Variants in RSRP1 observed in about 807,000 individuals in gnomAD.
The protein encoded by RSRP1 is arginine/serine-rich protein 1.
RSRP1 carries 37 observed loss-of-function variants against 33.0 expected under a neutral mutation model. The ratio of observed to expected loss-of-function variants is 1.12; its 90% confidence interval spans 0.86 to 1.48. RSRP1 has a LOEUF of 1.48. Ranked by LOEUF, RSRP1 falls within the 40% of genes most tolerant of loss-of-function variation. The pLI, the probability that RSRP1 is intolerant of heterozygous loss-of-function variation, is 0.00. For missense variants in RSRP1, 402 were observed against 385.3 expected (o/e 1.04, Z -0.36); for synonymous variants, 167 against 158.7 (o/e 1.05, Z -0.40).
chr1:25,274,214 A>C (rs1202086671), intron 1 of RSRP1, among the ~76,000 whole-genome samples: 2 of 131,922 alleles, frequency 1.5e-5, no homozygotes, highest in African/African-American at 5.2e-5. Flanking sequence ...TTCGTTTTTC[A>C]TATGAGGAAA....
At chr1:25,307,677 G>A in intron 1 of RSRP1, 3 of 1,300,460 alleles carry the variant, frequency 2.3e-6, no homozygotes, top group African/African-American at 2.9e-5. Flanking sequence ...CTGTAAAAAT[G>A]GCTGAAGCAG....
In RSRP1 at chr1:25,243,539, G is replaced by T. The variant is rs749620171; in HGVS notation, c.756+11C>A. 6 of 1,612,458 alleles carry T rather than the reference G, an allele frequency of 3.7e-6. No individual in the cohort carries two copies. In the South Asian group the frequency reaches 4.4e-5, roughly 12 times the overall value. ...CCAATTTTTGAGTGTTCAATGCCTG[G>T]ATATACTTACATTAGAGCTAAAAGC... On this transcript the variant is annotated intron_variant, in intron 4 of 4. Transcript: ENST00000243189.
chr1:25,247,074 G>A lies in RSRP1; in HGVS notation c.-66-45C>T, dbSNP rs1557489199. ...AAAACAAGTCGAGTCGCGGAAGCCGGCGCCTGGCCACCCGGAAGCCACAGT... is the reference window on the plus strand; with the variant it reads ...AAAACAAGTCGAGTCGCGGAAGCCGACGCCTGGCCACCCGGAAGCCACAGT... On this transcript the variant is annotated intron_variant, in intron 1 of 4. Transcript: ENST00000243189. 12 of 1,192,732 alleles carry A rather than the reference G, an allele frequency of 1.0e-5. No homozygotes were observed. The East Asian group carries it at 2.9e-4, about 29-fold the overall frequency. The allele number at this position is 1,192,732 out of a possible 1,614,324, so 73.9% of individuals were successfully genotyped here.
rs544835181 is a variant in RSRP1 at position 25,280,950 on chromosome 1, C to T, written c.-66-33921G>A. ...CTTCCTAATCTTTAGGGCCCCAACTCTGCCCTTATCCAGGCAACTCTCCTC... is the reference window on the plus strand; with the variant it reads ...CTTCCTAATCTTTAGGGCCCCAACTTTGCCCTTATCCAGGCAACTCTCCTC... On this transcript the variant is annotated intron_variant, in intron 1 of 1. Coordinates refer to the RSRP1 transcript ENST00000561867. 5.3e-4 allele frequency among the ~76,000 whole-genome samples: 70 copies of T among 131,672 alleles called. 10 individuals are homozygous for T. The highest frequency in any genetic ancestry group is 1.7e-3 in the African/African-American group (66 of 38,540). The allele number at this position is 131,672 out of a possible 152,430, so 86.4% of individuals were successfully genotyped here.
At chr1:25,277,579 T>C in intron 1 of RSRP1, among the ~76,000 whole-genome samples, 1 of 130,554 alleles carries the variant, frequency 7.7e-6, no homozygotes, top group Non-Finnish European at 1.8e-5. Context: ...TCTTTCTGCC[T>C]CTGTTTCTAC....
At chr1:25,331,262 G>A (rs1571781285) in intron 1 of RSRP1, among the ~76,000 whole-genome samples, 1 of 130,584 alleles carries the variant, frequency 7.7e-6, no homozygotes, top group Non-Finnish European at 1.8e-5. Context: ...CACCGCACCC[G>A]GCCTCTTCCT....
chr1:25,250,331 A>AC, upstream of RSRP1, among the ~76,000 whole-genome samples: 1 of 152,274 alleles, frequency 6.6e-6, no homozygotes, highest in Admixed American at 6.5e-5. Context: ...GTCAGCTTGC[A>AC]CTAGTTACTC....
chr1:25,245,081 A>G (rs759368799), intron 3 of RSRP1, 69 bp downstream of exon 3: 10 of 1,613,292 alleles, frequency 6.2e-6, no homozygotes, highest in Non-Finnish European at 8.5e-6. Context: ...AGTCTAAGAT[A>G]TAAGTGGCTA....
rs1321696752 is a variant in RSRP1 at position 25,245,245 on chromosome 1, T to C, written c.577A>G (p.Thr193Ala). ...AGACTAGCTGGCAAGTCAATGTTGG[T>C]TGTTCCTAGAGCTTTCGCTGCATTG... ...KTNAAKALGT[T>A]NIDLPASLRT... Residue 193 changes from threonine to alanine, a missense_variant, in exon 3 of 5, where the codon ACC becomes GCC. Physicochemically the swap from Thr to Ala is moderately conservative, Grantham distance 58. Coordinates refer to ENST00000243189, the MANE Select transcript of RSRP1 (RefSeq NM_020317.5). The C allele has an allele frequency of 4.3e-6, 7 of 1,614,012 alleles. No individual in the cohort carries two copies. The highest frequency in any genetic ancestry group is 5.9e-6 in the Non-Finnish European group (7 of 1,180,036).
intron 4 of RSRP1, among the ~76,000 whole-genome samples, chr1:25,243,211 T>TA (rs1361254354): frequency 9.2e-5 from 14 of 152,190 alleles, no homozygotes; most frequent in Non-Finnish European, 1.8e-4. Flanking sequence ...ATACACAAGA[T>TA]ACACAAGGTA....
rs1201634284 is a variant in RSRP1, at chr1:25,316,449, G to A, written c.-67+21529C>T. On this transcript the variant is annotated intron_variant, in intron 1 of 1. Transcript: ENST00000561867. ...ACCCTGGTCAACATGGTGAAACCCCGTCTCTATTAATAATACAAAAATTAT... is the reference window on the plus strand; with the variant it reads ...ACCCTGGTCAACATGGTGAAACCCCATCTCTATTAATAATACAAAAATTAT... 1.6e-5 allele frequency among the ~76,000 whole-genome samples: 2 copies of A among 125,858 alleles called. 1 individual carries two copies. The highest frequency in any genetic ancestry group is 3.7e-5 in the Non-Finnish European group (2 of 53,614). 82.6% of individuals were successfully genotyped at this position (125,858 alleles called of 152,430 possible).
Position 25,270,673 on chromosome 1 carries a change from A to T in RSRP1, c.-66-23644T>A. Among the ~76,000 whole-genome samples, 2 of 132,106 alleles carry T rather than the reference A, an allele frequency of 1.5e-5. 1 individual carries two copies. Among genetic ancestry groups the T allele is most frequent in the Non-Finnish European group, 3.6e-5 (2 of 55,700 alleles). The allele number at this position is 132,106 out of a possible 152,430, so 86.7% of individuals were successfully genotyped here. A position where few individuals can be genotyped will look rare whatever the true frequency, so the allele number is the denominator to read the frequency against. On this transcript the variant is annotated intron_variant, in intron 1 of 1. Coordinates refer to the RSRP1 transcript ENST00000561867. ...AAGTGGTCAAACACCCAGGTCCTGA[A>T]GTTAGGCTGCCTGGGTTTAAATCCC...
intron 1 of RSRP1, among the ~76,000 whole-genome samples, chr1:25,299,043 C>T (rs1461316903): frequency 5.7e-5 from 6 of 105,554 alleles, no homozygotes; most frequent in East Asian, 2.2e-4. Context: ...TTACCAGCCA[C>T]GCTGTTTAGA....
intron 1 of RSRP1, among the ~76,000 whole-genome samples, chr1:25,257,814 T>C (rs917068892): frequency 6.6e-6 from 1 of 152,048 alleles, no homozygotes; most frequent in Admixed American, 6.6e-5. Flanking sequence ...TTTCTCCACA[T>C]TGCCCAGGCT....
intron 4 of RSRP1, among the ~76,000 whole-genome samples, chr1:25,243,307 T>G (rs1219246562): frequency 1.3e-5 from 2 of 152,122 alleles, no homozygotes; most frequent in East Asian, 3.8e-4. Context: ...TTTAAAATAT[T>G]TCAATAAAAA....
At position 25,297,375 on chromosome 1, in the gene RSRP1, T is replaced by A. The variant is rs542242795; in HGVS notation, c.-67+40603A>T. ...GTTAACTGTGATCATTGGGTTAAGA[T>A]GGTACCTGCCAGGATCTTCCACTGC... On this transcript the variant is annotated intron_variant, in intron 1 of 1. Coordinates refer to the RSRP1 transcript ENST00000561867. Among the ~76,000 whole-genome samples the A allele has an allele frequency of 1.8e-3, 180 of 100,340 alleles. 10 individuals are homozygous for A. Among genetic ancestry groups the A allele is most frequent in the African/African-American group, 5.0e-3 (150 of 29,928 alleles). 65.8% of individuals were successfully genotyped at this position (100,340 alleles called of 152,430 possible). A position where few individuals can be genotyped will look rare whatever the true frequency, so the allele number is the denominator to read the frequency against.
chr1:25,292,683 C>T (rs1642617934), intron 1 of RSRP1, among the ~76,000 whole-genome samples: 1 of 127,664 alleles, frequency 7.8e-6, no homozygotes, highest in Non-Finnish European at 1.9e-5. Context: ...ATGAAACATC[C>T]CAGTGGAGAC....
rs116047656 is a variant in RSRP1 at position 25,299,439 on chromosome 1, A to G, written c.-67+38539T>C. On this transcript the variant is annotated intron_variant, in intron 1 of 1. Transcript: ENST00000561867. ...GCAGACAGACTTTTTAGTTGGCTTTAGAATTCTTAGACACCCTCTACAGAC... is the reference window on the plus strand; with the variant it reads ...GCAGACAGACTTTTTAGTTGGCTTTGGAATTCTTAGACACCCTCTACAGAC... Among the ~76,000 whole-genome samples the G allele has an allele frequency of 7.1e-3, 931 of 130,996 alleles. 92 individuals are homozygous for G. The highest frequency in any genetic ancestry group is 0.022 in the African/African-American group (841 of 38,040). 85.9% of individuals were successfully genotyped at this position (130,996 alleles called of 152,430 possible). A position where few individuals can be genotyped will look rare whatever the true frequency, so the allele number is the denominator to read the frequency against.
rs1644627203 is a variant in RSRP1, at chr1:25,320,221, A to G, written c.-67+17757T>C. 3.0e-5 allele frequency among the ~76,000 whole-genome samples: 4 copies of G among 131,974 alleles called. 1 individual carries two copies. The highest frequency in any genetic ancestry group is 3.0e-4 in the Admixed American group (4 of 13,508). The allele number at this position is 131,974 out of a possible 152,430, so 86.6% of individuals were successfully genotyped here. On this transcript the variant is annotated intron_variant, in intron 1 of 1. Transcript: ENST00000561867. ...CCGACAAATTCTTAAAACTGGACAC[A>G]AGAACACAAAACGCTTGGGCTGCTG...
Sources: allele counts gnomAD v4.1 joint callset (sites outside exome capture counted in the v4.1 genomes callset), GRCh38; gene constraint gnomAD v4.1.1; transcripts MANE v1.5; gene names NCBI Gene and HGNC (gene_info 2026-07-23, HGNC 2026-07-21).